The following FHIT variants were observed in gnomAD, a reference collection of about 807,000 sequenced individuals.
FHIT encodes the protein bis(5'-adenosyl)-triphosphatase.
A neutral mutation model predicts 17.9 loss-of-function variants in FHIT; 19 were observed. The ratio of observed to expected loss-of-function variants is 1.06; its 90% CI spans 0.74 to 1.56. The LOEUF is 1.56. FHIT is among the 40% of genes most tolerant of loss of function. FHIT has a pLI of 0.00. For missense variants in FHIT, 248 were observed against 189.2 expected (o/e 1.31, Z -1.82); for synonymous variants, 81 against 69.7 (o/e 1.16, Z -0.81).
At chr3:59,923,221 CAAAAAAAAAAAAAAAAA>C (rs532237239) in intron 7 of FHIT, among the ~76,000 whole-genome samples, 13 of 67,456 alleles carry the variant, frequency 1.9e-4, no homozygotes, top group African/African-American at 8.3e-4. Context: ...CGAGACTCCT[CAAAAAAAAAAAAAAAAA>C]AAAAAAAAAA....
chr3:59,912,887 G>A (rs1283304889), intron 8 of FHIT, among the ~76,000 whole-genome samples: 1 of 152,058 alleles, frequency 6.6e-6, no homozygotes, highest in Non-Finnish European at 1.5e-5. Flanking sequence ...AAATATTTTA[G>A]TGTGTTATGA....
chr3:59,887,227 T>C (rs1420104202), intron 8 of FHIT, among the ~76,000 whole-genome samples: 1 of 152,182 alleles, frequency 6.6e-6, no homozygotes, highest in Non-Finnish European at 1.5e-5. Flanking sequence ...TCCTATCTCA[T>C]ATTAAAAACG....
intron 5 of FHIT, among the ~76,000 whole-genome samples, chr3:60,280,335 T>A (rs1576413932): frequency 6.6e-6 from 1 of 152,152 alleles, no homozygotes; most frequent in Admixed American, 6.5e-5. Context: ...ACTAATGATC[T>A]CCCAAAGATA....
At chr3:60,798,770 T>C (rs77544117) in intron 4 of FHIT, among the ~76,000 whole-genome samples, 5 of 149,260 alleles carry the variant, frequency 3.3e-5, no homozygotes, top group African/African-American at 1.2e-4. Flanking sequence ...TTTTTTTTTT[T>C]TTTTTGAGAC....
chr3:60,045,337 A>T (rs2106852361), intron 5 of FHIT, among the ~76,000 whole-genome samples: 1 of 152,300 alleles, frequency 6.6e-6, no homozygotes, highest in East Asian at 1.9e-4. Context: ...AGGCCTCACA[A>T]TCATGGCAGA....
intron 4 of FHIT, among the ~76,000 whole-genome samples, chr3:60,620,024 A>G (rs541111832): frequency 6.6e-6 from 1 of 152,222 alleles, no homozygotes; most frequent in Non-Finnish European, 1.5e-5. Flanking sequence ...TCACCAAAAA[A>G]TACATACAGA....
intron 1 of FHIT, among the ~76,000 whole-genome samples, chr3:61,237,052 A>T (rs2040246436): frequency 6.6e-6 from 1 of 152,152 alleles, no homozygotes; most frequent in Non-Finnish European, 1.5e-5. Flanking sequence ...ACACAACCTA[A>T]ATCTTTGAGA....
At chr3:60,480,541 A>G (rs138990300) in intron 5 of FHIT, among the ~76,000 whole-genome samples, 1 of 152,368 alleles carries the variant, frequency 6.6e-6, no homozygotes, top group East Asian at 1.9e-4. Context: ...TTAGTTACTT[A>G]CAAGATACAA....
intron 4 of FHIT, among the ~76,000 whole-genome samples, chr3:60,697,979 C>T (rs532623086): frequency 6.6e-6 from 1 of 152,262 alleles, no homozygotes; most frequent in Admixed American, 6.5e-5. Flanking sequence ...AAAATGGATG[C>T]TGTATTGCTC....
chr3:60,013,858 T>C lies in FHIT; in HGVS notation c.249+149A>G, dbSNP rs187701492. ...ATCTTGGGGCCAATGGACAGTAGGG[T>C]TGCCCTGCATTAGAAATCTCTTTTT... On this transcript the variant is annotated intron_variant, in intron 6 of 9. Transcript: ENST00000492590. 1.3e-4 allele frequency: 100 copies of C among 749,566 alleles called. 1 individual carries two copies. The African/African-American group carries it at 1.5e-3, about 11-fold the overall frequency. 46.4% of individuals were successfully genotyped at this position (749,566 alleles called of 1,614,324 possible).
chr3:61,248,216 G>C lies in FHIT; in HGVS notation c.-213+3085C>G, dbSNP rs1400585439. ...AGAGATGTGGGAACAGGGTGCTTAT[G>C]AATGCAATGCCACAAGTACTTTTTC... On this transcript the variant is annotated intron_variant, in intron 1 of 9. Coordinates refer to ENST00000492590, the MANE Select transcript of FHIT (RefSeq NM_002012.4). Among the ~76,000 whole-genome samples the C allele has an allele frequency of 3.3e-5, 5 of 152,262 alleles. No homozygotes were observed. In the East Asian group the frequency reaches 5.8e-4, roughly 18 times the overall value.
At chr3:60,401,050 G>A (rs918174576) in intron 5 of FHIT, among the ~76,000 whole-genome samples, 8 of 152,006 alleles carry the variant, frequency 5.3e-5, no homozygotes, top group South Asian at 2.1e-4. Context: ...CATTGATACG[G>A]CTGGCCTGCC....
chr3:61,016,739 C>T lies in FHIT; in HGVS notation c.-111+25308G>A, dbSNP rs375425789. The stretch of plus-strand genomic sequence containing the variant: ...CAACCATCAAGCATAAATTTGGCTC[C>T]CCAGAGCATGTGAACTTTATGTGTG... On this transcript the variant is annotated intron_variant, in intron 3 of 9. Transcript: ENST00000492590. Among the ~76,000 whole-genome samples, 4 of 152,180 alleles carry T rather than the reference C, an allele frequency of 2.6e-5. No individual in the cohort carries two copies. The East Asian group carries it at 5.8e-4, about 22-fold the overall frequency.
At chr3:60,249,689 GACAC>G (rs59885844) in intron 5 of FHIT, among the ~76,000 whole-genome samples, 513 of 137,376 alleles carry the variant, frequency 3.7e-3, no homozygotes, top group African/African-American at 0.014. Context: ...ATACAGCCAA[GACAC>G]ACACACACAC....
intron 4 of FHIT, among the ~76,000 whole-genome samples, chr3:60,695,430 T>C (rs72874982): frequency 0.022 from 3,385 of 152,262 alleles, 126 homozygotes; most frequent in African/African-American, 0.077. Context: ...TATAAATGTT[T>C]TCATTTGTAT....
intron 5 of FHIT, among the ~76,000 whole-genome samples, chr3:60,520,153 G>T (rs545196929): frequency 1.3e-5 from 2 of 152,086 alleles, no homozygotes; most frequent in Admixed American, 1.3e-4. Context: ...AGGCTTGTTT[G>T]TGTTTATGGT....
At chr3:60,607,770 A>T in intron 4 of FHIT, among the ~76,000 whole-genome samples, 1 of 152,286 alleles carries the variant, frequency 6.6e-6, no homozygotes, top group South Asian at 2.1e-4. Context: ...ACATACATAT[A>T]CATATATACA....
chr3:60,998,541 T>C (rs1400142668), intron 3 of FHIT, among the ~76,000 whole-genome samples: 1 of 152,144 alleles, frequency 6.6e-6, no homozygotes, highest in African/African-American at 2.4e-5. Flanking sequence ...CTACCCCTAA[T>C]TGAGCTAATT....
chr3:60,530,924 T>G (rs193071955), intron 5 of FHIT, among the ~76,000 whole-genome samples: 95 of 152,302 alleles, frequency 6.2e-4, no homozygotes, highest in Non-Finnish European at 1.2e-3. Context: ...CAAGGGTAGG[T>G]GCACATTCAT....
Sources: allele counts gnomAD v4.1 joint callset (sites outside exome capture counted in the v4.1 genomes callset), GRCh38; gene constraint gnomAD v4.1.1; transcripts MANE v1.5; gene names NCBI Gene and HGNC (gene_info 2026-07-23, HGNC 2026-07-21).